The following VPS13B variants were observed in gnomAD, a reference collection of about 807,000 sequenced individuals.
VPS13B encodes intermembrane lipid transfer protein VPS13B.
VPS13B carries 285 observed loss-of-function variants against 426.4 expected under a neutral mutation model. The observed-to-expected ratio is 0.67, with a 90% confidence interval of 0.61 to 0.74. The LOEUF is 0.74. Among genes scored for constraint, VPS13B ranks in the 30% least tolerant of loss-of-function variants. The pLI, the probability that VPS13B is intolerant of heterozygous loss-of-function variation, is 0.00. For missense variants in VPS13B, 4,537 were observed against 4,782.6 expected (o/e 0.95, Z 1.51); for synonymous variants, 1,676 against 1,676.4 (o/e 1.00, Z 0.01).
intron 3 of VPS13B, among the ~76,000 whole-genome samples, chr8:99,044,325 C>T (rs530713270): frequency 7.9e-5 from 12 of 151,752 alleles, no homozygotes; most frequent in Admixed American, 2.6e-4. Context: ...CCTTGTGATC[C>T]GCCCACCTCA....
intron 57 of VPS13B, 30 bp downstream of exon 57, chr8:99,859,510 C>T: frequency 6.2e-7 from 1 of 1,606,062 alleles, no homozygotes; most frequent in Non-Finnish European, 8.5e-7. Context: ...GTAATAATGC[C>T]TTCACTCCTT....
intron 25 of VPS13B, 102 bp from the exon 26 acceptor site, chr8:99,501,585 A>G: frequency 1.6e-6 from 2 of 1,236,224 alleles, no homozygotes; most frequent in Non-Finnish European, 2.3e-6. Context: ...GTAAGATGTG[A>G]AAAAGTTACA....
intron 3 of VPS13B, among the ~76,000 whole-genome samples, chr8:99,054,019 T>C (rs1843704672): frequency 6.6e-6 from 1 of 152,222 alleles, no homozygotes; most frequent in South Asian, 2.1e-4. Flanking sequence ...TTTCCTTTTT[T>C]CTAGGGCTGA....
chr8:99,212,552 T>C (rs1037405239), intron 17 of VPS13B, among the ~76,000 whole-genome samples: 1 of 152,328 alleles, frequency 6.6e-6, no homozygotes, highest in Non-Finnish European at 1.5e-5. Flanking sequence ...AAGGCAGAGC[T>C]GAGAAATCTC....
intron 33 of VPS13B, among the ~76,000 whole-genome samples, chr8:99,582,686 C>T (rs545427657): frequency 6.6e-5 from 10 of 152,094 alleles, no homozygotes; most frequent in South Asian, 2.1e-4. Flanking sequence ...GATGGAGTCT[C>T]GCTCTGTCTC....
chr8:99,642,380 G>C lies in VPS13B; in HGVS notation c.5790G>C (p.Leu1930=), dbSNP rs1588579889. Residue 1930 remains leucine, a synonymous_variant, in exon 34 of 62, where the codon CTG becomes CTC. Transcript: ENST00000357162. The stretch of plus-strand genomic sequence containing the variant: ...GTGACTTACAGCTAGAGCCTTTTCT[G>C]TACTTTATTGTGTCCCAGCCTTCCT... ...GTGDLQLEPF[L]YFIVSQPSLL... 1 of 1,614,126 alleles carries C rather than the reference G, an allele frequency of 6.2e-7. No individual in the cohort carries two copies. Among genetic ancestry groups the C allele is most frequent in the Non-Finnish European group, 8.5e-7 (1 of 1,179,990 alleles).
chr8:99,197,311 G>A (rs953157552), intron 17 of VPS13B, among the ~76,000 whole-genome samples: 11 of 152,138 alleles, frequency 7.2e-5, no homozygotes, highest in African/African-American at 2.4e-4. Context: ...TCTGGCTTTG[G>A]TATGAGGATA....
At chr8:99,763,508 A>G (rs761498268) in intron 39 of VPS13B, among the ~76,000 whole-genome samples, 2 of 152,238 alleles carry the variant, frequency 1.3e-5, no homozygotes, top group Non-Finnish European at 2.9e-5. Flanking sequence ...GTATATAGTG[A>G]TAAGAGCTGT....
chr8:99,537,099 G>T (rs572305096), intron 30 of VPS13B, among the ~76,000 whole-genome samples: 6 of 151,634 alleles, frequency 4.0e-5, no homozygotes, highest in African/African-American at 1.5e-4. Context: ...AAATAATAAC[G>T]TATATCCACC....
intron 23 of VPS13B, among the ~76,000 whole-genome samples, chr8:99,461,349 C>T (rs1818823453): frequency 6.6e-6 from 1 of 152,118 alleles, no homozygotes; most frequent in South Asian, 2.1e-4. Flanking sequence ...TGTATGATTA[C>T]ATACTCTCTC....
intron 33 of VPS13B, among the ~76,000 whole-genome samples, chr8:99,637,691 C>T (rs1475113433): frequency 6.6e-6 from 1 of 152,144 alleles, no homozygotes; most frequent in Non-Finnish European, 1.5e-5. Context: ...CCTTTCTCTA[C>T]AGGTGGTTTG....
chr8:99,547,143 GA>G (rs2133744204), intron 30 of VPS13B, among the ~76,000 whole-genome samples: 1 of 152,116 alleles, frequency 6.6e-6, no homozygotes, highest in African/African-American at 2.4e-5. Context: ...ATAAAAAAGG[GA>G]AAAGAGGGCA....
chr8:99,301,619 T>C (rs1275090485), intron 19 of VPS13B, among the ~76,000 whole-genome samples: 1 of 152,060 alleles, frequency 6.6e-6, no homozygotes, highest in Non-Finnish European at 1.5e-5. Flanking sequence ...ATCTTCGTAG[T>C]AACTTAATGG....
chr8:99,028,189 G>T (rs999868081), intron 2 of VPS13B, among the ~76,000 whole-genome samples: 3 of 151,564 alleles, frequency 2.0e-5, no homozygotes, highest in African/African-American at 7.3e-5. Flanking sequence ...CCACAAAACC[G>T]CCATTGTCAT....
chr8:99,363,180 A>G (rs971068587), intron 19 of VPS13B, among the ~76,000 whole-genome samples: 6 of 152,172 alleles, frequency 3.9e-5, no homozygotes, highest in African/African-American at 1.2e-4. Flanking sequence ...ATTTTTGCAT[A>G]TGGCAAGAGA....
chr8:99,106,022 G>C (rs1847024255), intron 5 of VPS13B, among the ~76,000 whole-genome samples: 1 of 151,858 alleles, frequency 6.6e-6, no homozygotes, highest in South Asian at 2.1e-4. Context: ...TAATTATCTT[G>C]TTTAACCCTT....
At chr8:99,464,691 T>G (rs956531784) in intron 23 of VPS13B, among the ~76,000 whole-genome samples, 2 of 152,192 alleles carry the variant, frequency 1.3e-5, no homozygotes, top group African/African-American at 4.8e-5. Context: ...GTTTAATATG[T>G]TCCTTTGGGG....
intron 30 of VPS13B, among the ~76,000 whole-genome samples, chr8:99,545,000 C>A (rs1189674039): frequency 6.6e-6 from 1 of 152,048 alleles, no homozygotes; most frequent in Non-Finnish European, 1.5e-5. Flanking sequence ...ACCACTACAC[C>A]ATAATTCTGT....
chr8:99,857,309 T>TG (rs35187750), intron 56 of VPS13B, among the ~76,000 whole-genome samples: 1 of 152,184 alleles, frequency 6.6e-6, no homozygotes, highest in Admixed American at 6.5e-5. Context: ...AGGCCTGTCG[T>TG]GGGGGACACT....
Sources: gnomAD v4.1 joint callset for allele counts (sites outside exome capture counted in the v4.1 genomes callset) on GRCh38, gnomAD v4.1.1 for gene constraint, MANE v1.5 for transcripts, NCBI Gene and HGNC (gene_info 2026-07-23, HGNC 2026-07-21) for gene names.